PLCB4: variants seen among roughly 807,000 people sequenced by gnomAD.
PLCB4 encodes the protein 1-phosphatidylinositol 4,5-bisphosphate phosphodiesterase beta-4.
Under a neutral mutation model 178.8 loss-of-function variants are expected in PLCB4, and 77 were observed. That is an observed-to-expected ratio of 0.43 (90% CI 0.36 to 0.52). The LOEUF (loss-of-function observed/expected upper bound fraction) is 0.52. Ranked by LOEUF, PLCB4 falls within the 20% of genes least tolerant of loss-of-function variation. The pLI is 0.00. For synonymous variants in PLCB4, 496 were observed against 490.8 expected, an observed-to-expected ratio of 1.01 and a Z score of -0.14; for missense variants, 1,024 against 1,453.4, an observed-to-expected ratio of 0.70 and a Z score of 4.80.
intron 12 of PLCB4, among the ~76,000 whole-genome samples, chr20:9,373,935 G>T (rs2036461035): frequency 6.6e-6 from 1 of 152,112 alleles, no homozygotes; most frequent in Non-Finnish European, 1.5e-5. Context: ...ATTAATAAGA[G>T]TTTGAGTGAA....
intron 9 of PLCB4, 26 bp from the exon 10 acceptor site, chr20:9,371,188 G>A (rs1046754906): frequency 1.4e-6 from 2 of 1,380,604 alleles, no homozygotes; most frequent in African/African-American, 1.4e-5. Flanking sequence ...TAACTGGAAT[G>A]TGTGTTTCTT....
intron 28 of PLCB4, 139 bp from the exon 29 acceptor site, chr20:9,435,420 GT>G (rs1298241374): frequency 1.2e-4 from 59 of 502,374 alleles, no homozygotes; most frequent in Non-Finnish European, 1.9e-4. Flanking sequence ...GCCTTCCTCA[GT>G]GTGTCTTATG....
chr20:9,094,527 A>C (rs2090824081), intron 1 of PLCB4, among the ~76,000 whole-genome samples: 1 of 152,132 alleles, frequency 6.6e-6, no homozygotes, highest in East Asian at 1.9e-4. Context: ...CATTTAAAAA[A>C]CTTTTTATTA....
At chr20:9,090,695 G>A (rs990839516) in intron 1 of PLCB4, among the ~76,000 whole-genome samples, 7 of 152,126 alleles carry the variant, frequency 4.6e-5, no homozygotes, top group African/African-American at 1.4e-4. Context: ...ATCACAGACT[G>A]TGAGCATATT....
At chr20:9,099,146 G>A (rs1448702501) in intron 2 of PLCB4, among the ~76,000 whole-genome samples, 1 of 151,810 alleles carries the variant, frequency 6.6e-6, no homozygotes, top group Non-Finnish European at 1.5e-5. Flanking sequence ...ATTAAACATG[G>A]TTCTCATAAT....
At chr20:9,395,826 G>A (rs570157456) in intron 19 of PLCB4, among the ~76,000 whole-genome samples, 5 of 152,024 alleles carry the variant, frequency 3.3e-5, no homozygotes, top group African/African-American at 1.2e-4. Context: ...TAAAATATTA[G>A]CCAGACGTGG....
chr20:9,301,606 C>A (rs1433935380), intron 3 of PLCB4, among the ~76,000 whole-genome samples: 1 of 152,038 alleles, frequency 6.6e-6, no homozygotes, highest in Non-Finnish European at 1.5e-5. Flanking sequence ...TCACCCCAAC[C>A]GAATGGATAG....
chr20:9,139,970 T>C (rs757807368), intron 2 of PLCB4, among the ~76,000 whole-genome samples: 3 of 152,152 alleles, frequency 2.0e-5, no homozygotes, highest in Non-Finnish European at 4.4e-5. Flanking sequence ...GAGAATGCTC[T>C]GTGCCTGGCC....
At chr20:9,219,769 T>C (rs1429360666) in intron 3 of PLCB4, among the ~76,000 whole-genome samples, 1 of 152,202 alleles carries the variant, frequency 6.6e-6, no homozygotes, top group Non-Finnish European at 1.5e-5. Context: ...TTCTATAATA[T>C]CTTCCCATAC....
chr20:9,398,680 A>G (rs1447843882), intron 19 of PLCB4, among the ~76,000 whole-genome samples: 1 of 136,626 alleles, frequency 7.3e-6, no homozygotes. Context: ...ATACAGCCTG[A>G]TGAAATGGGT....
At chr20:9,392,872 A>C (rs1028119986) in intron 17 of PLCB4, among the ~76,000 whole-genome samples, 2 of 118,354 alleles carry the variant, frequency 1.7e-5, no homozygotes, top group Admixed American at 2.4e-4. Flanking sequence ...TATAAAAGCA[A>C]GTTTTGAAAA....
chr20:9,158,566 G>A (rs1030003076), intron 2 of PLCB4, among the ~76,000 whole-genome samples: 2 of 150,266 alleles, frequency 1.3e-5, no homozygotes, highest in South Asian at 2.1e-4. Context: ...ACTGCACCTG[G>A]CCACTCTCAC....
At chr20:9,192,705 G>A (rs1267331149) in intron 2 of PLCB4, among the ~76,000 whole-genome samples, 1 of 151,628 alleles carries the variant, frequency 6.6e-6, no homozygotes, top group Non-Finnish European at 1.5e-5. Flanking sequence ...GTACCAGCAA[G>A]TCAGGAGTCT....
At position 9,431,928 on chromosome 20, in the gene PLCB4, A is replaced by G. The variant is rs913793734; in HGVS notation, c.2525-3632A>G. On this transcript the variant is annotated intron_variant, in intron 28 of 39. Coordinates refer to ENST00000378473, the MANE Select transcript of PLCB4 (RefSeq NM_001377142.1). ...AGGCATATGAGTTATATAAAGTGCT[A>G]TATTATTTAACTAAACCATTAACTT... 7.2e-5 allele frequency among the ~76,000 whole-genome samples: 11 copies of G among 152,214 alleles called. No individual in the cohort carries two copies. In the East Asian group the frequency reaches 1.5e-3, roughly 21 times the overall value.
At chr20:9,386,082 A>G (rs1304812797) in intron 14 of PLCB4, among the ~76,000 whole-genome samples, 2 of 152,146 alleles carry the variant, frequency 1.3e-5, no homozygotes, top group Non-Finnish European at 2.9e-5. Context: ...GCGATACCCC[A>G]TCTCCTCCAA....
chr20:9,270,420 A>G (rs2094391547), intron 3 of PLCB4, among the ~76,000 whole-genome samples: 1 of 152,138 alleles, frequency 6.6e-6, no homozygotes, highest in South Asian at 2.1e-4. Flanking sequence ...ATGTCATGGA[A>G]AGGTAATCAT....
At chr20:9,291,358 A>G (rs982619267) in intron 3 of PLCB4, among the ~76,000 whole-genome samples, 1 of 152,172 alleles carries the variant, frequency 6.6e-6, no homozygotes, top group Non-Finnish European at 1.5e-5. Flanking sequence ...TACATAAACC[A>G]ATTTGCACAG....
intron 3 of PLCB4, chr20:9,280,555 G>T (rs1032179024): frequency 1.2e-5 from 8 of 662,208 alleles, no homozygotes; most frequent in African/African-American, 2.0e-5. Flanking sequence ...ATTCTCCTTA[G>T]GAAGAAAAAT....
intron 2 of PLCB4, among the ~76,000 whole-genome samples, chr20:9,171,201 A>G (rs2093057960): frequency 6.6e-6 from 1 of 152,186 alleles, no homozygotes; most frequent in African/African-American, 2.4e-5. Flanking sequence ...TCCACATTGT[A>G]TAACTTGGAG....
Sources: allele counts gnomAD v4.1 joint callset (sites outside exome capture counted in the v4.1 genomes callset), GRCh38; gene constraint gnomAD v4.1.1; transcripts MANE v1.5; gene names NCBI Gene and HGNC (gene_info 2026-07-23, HGNC 2026-07-21).